Variants in TTC38 observed in about 807,000 individuals in gnomAD.
TTC38 encodes tetratricopeptide repeat domain 38, also known as tetratricopeptide repeat protein 38.
A neutral mutation model predicts 64.2 loss-of-function variants in TTC38; 64 were observed. That is an observed-to-expected ratio of 1.00 (90% CI 0.81 to 1.23). The LOEUF (loss-of-function observed/expected upper bound fraction) is 1.23, where lower values mean the gene tolerates loss of function less well. Ranked by LOEUF, TTC38 falls within the 50% of genes most tolerant of loss-of-function variation. TTC38 has a pLI of 0.00. For missense variants in TTC38, 573 were observed against 615.5 expected, an observed-to-expected ratio of 0.93 and a Z score of 0.73; for synonymous variants, 254 against 249.3, an observed-to-expected ratio of 1.02 and a Z score of -0.18.
intron 5 of TTC38, among the ~76,000 whole-genome samples, chr22:46,278,174 C>A (rs1193204603): frequency 6.6e-6 from 1 of 152,182 alleles, no homozygotes; most frequent in African/African-American, 2.4e-5. Flanking sequence ...CAGACAGGTA[C>A]TCACAGCTTT....
Position 46,275,938 on chromosome 22 carries a change from C to T in TTC38, c.539+517C>T, listed in dbSNP as rs1048060131. 4.2e-4 allele frequency among the ~76,000 whole-genome samples: 64 copies of T among 152,040 alleles called. No individual in the cohort carries two copies. Among genetic ancestry groups the T allele is most frequent in the Non-Finnish European group, 8.8e-5 (6 of 67,922 alleles). On this transcript the variant is annotated intron_variant, in intron 5 of 13. Transcript: ENST00000381031. This position sits in a 1 kb window ranked among gnomAD's most constrained non-coding sequence, Gnocchi z 4.5. ...GAACTGATCACATGACCTCACCCAC[C>T]CACAAGAGACCAGGAAGTACAGTTC...
chr22:46,280,995 C>T (rs1241030964), intron 6 of TTC38, among the ~76,000 whole-genome samples: 4 of 152,238 alleles, frequency 2.6e-5, no homozygotes, highest in African/African-American at 9.6e-5. Context: ...ATGAGTCCTG[C>T]CTGCCTCGCT....
intron 11 of TTC38, 25 bp from the exon 12 acceptor site, chr22:46,289,377 T>C (rs11704586): frequency 0.09 from 143,410 of 1,601,626 alleles, 7,152 homozygotes; most frequent in Non-Finnish European, 0.1. Flanking sequence ...GGCAGGCAGC[T>C]GAGGGCACCG....
rs1047764876 is a variant in TTC38, at chr22:46,276,840, T to A, written c.539+1419T>A. Among the ~76,000 whole-genome samples the A allele has an allele frequency of 2.2e-4, 30 of 137,916 alleles. No homozygotes were observed. The highest frequency in any genetic ancestry group is 4.1e-4 in the Non-Finnish European group (27 of 66,208). The allele number at this position is 137,916 out of a possible 152,430, so 90.5% of individuals were successfully genotyped here. On this transcript the variant is annotated intron_variant, in intron 5 of 13. Transcript: ENST00000381031. This position sits in a 1 kb window ranked among gnomAD's most constrained non-coding sequence, Gnocchi z 4.7. ...TATATATTAAATATATATATATATA[T>A]AAACATATATATATATAAAAAATAC... is the stretch of plus-strand genomic sequence containing the variant.
At chr22:46,277,036 T>TACAC (rs1284342595) in intron 5 of TTC38, among the ~76,000 whole-genome samples, 37 of 78,276 alleles carry the variant, frequency 4.7e-4, no homozygotes, top group African/African-American at 2.2e-3. Context: ...AAACAATACA[T>TACAC]ATATATACAT....
chr22:46,289,322 C>T (rs2077594795), intron 11 of TTC38, 80 bp from the exon 12 acceptor site: 5 of 1,532,090 alleles, frequency 3.3e-6, no homozygotes, highest in East Asian at 2.3e-5. Context: ...AGGGACACCT[C>T]GCTGAGGAAG....
chr22:46,287,041 G>A (rs1428642884), intron 9 of TTC38, 32 bp from the exon 10 acceptor site: 10 of 1,564,542 alleles, frequency 6.4e-6, no homozygotes, highest in Admixed American at 5.2e-5. Context: ...TGGGCCACCC[G>A]CTGAGCCCGC....
At position 46,271,510 on chromosome 22, in the gene TTC38, G is replaced by A. The variant is rs1420537822; in HGVS notation, c.112-825G>A. 6.6e-6 allele frequency among the ~76,000 whole-genome samples: 1 copy of A among 151,400 alleles called. No individual in the cohort carries two copies. The highest frequency in any genetic ancestry group is 1.5e-5 in the Non-Finnish European group (1 of 67,906). ...TTACAGGCATGAGCCACCACACCTGGCCTTTTTTTTTCCTTTTCTCTGTCA... is the reference window on the plus strand; with the variant it reads ...TTACAGGCATGAGCCACCACACCTGACCTTTTTTTTTCCTTTTCTCTGTCA... On this transcript the variant is annotated intron_variant, in intron 2 of 13. Coordinates refer to ENST00000381031, the MANE Select transcript of TTC38 (RefSeq NM_017931.4). This position sits in a 1 kb window ranked among gnomAD's most constrained non-coding sequence, Gnocchi z 5.5.
chr22:46,292,757 T>C lies in TTC38; in HGVS notation c.1317-34T>C, dbSNP rs779931796. The C allele has an allele frequency of 6.3e-7, 1 of 1,589,418 alleles. No individual in the cohort carries two copies. The highest frequency in any genetic ancestry group is 1.1e-5 in the South Asian group (1 of 90,610). On this transcript the variant is annotated intron_variant, in intron 13 of 13. Coordinates refer to ENST00000381031, the MANE Select transcript of TTC38 (RefSeq NM_017931.4). This position sits in a 1 kb window ranked among gnomAD's most constrained non-coding sequence, Gnocchi z 6.5. ...CCAGGCCCCACATCCCTCTAGAAGG[T>C]TCTGTAACAGGACCTCTGTGTCTGT...
intron 9 of TTC38, among the ~76,000 whole-genome samples, chr22:46,286,674 A>G (rs538343311): frequency 2.4e-3 from 369 of 152,068 alleles, no homozygotes; most frequent in Non-Finnish European, 4.2e-3. Flanking sequence ...AAAAAAAAAA[A>G]AAAGAAAGAA....
intron 13 of TTC38, among the ~76,000 whole-genome samples, chr22:46,290,218 T>G (rs9615935): frequency 0.071 from 10,880 of 152,222 alleles, 533 homozygotes; most frequent in Non-Finnish European, 0.11. Context: ...CCCTTTCTCC[T>G]TTTTTGCACC....
Position 46,272,081 on chromosome 22 carries a change from C to T in TTC38, c.112-254C>T, listed in dbSNP as rs1326413650. Among the ~76,000 whole-genome samples the T allele has an allele frequency of 6.6e-6, 1 of 152,012 alleles. No homozygotes were observed. The highest frequency in any genetic ancestry group is 1.5e-5 in the Non-Finnish European group (1 of 68,000). ...ATCTTGGCTCATTGCAACCTCAGCC[C>T]CCGGGTTCAAGTGATTCTCATGCCT... On this transcript the variant is annotated intron_variant, in intron 2 of 13. Coordinates refer to ENST00000381031, the MANE Select transcript of TTC38 (RefSeq NM_017931.4). This position sits in a 1 kb window ranked among gnomAD's most constrained non-coding sequence, Gnocchi z 6.4.
In TTC38 at chr22:46,272,563, A is replaced by T; in HGVS notation, c.193+147A>T. On this transcript the variant is annotated intron_variant, in intron 3 of 13. Transcript: ENST00000381031. The surrounding 1 kb of genome is among the most constrained non-coding windows in gnomAD (Gnocchi z 6.4). ...CATTTGCACAGAGGGAGAGAAGATG[A>T]CAGCTGCCTTTGTGTCTGGAAAAAC... 1 of 629,890 alleles carries T rather than the reference A, an allele frequency of 1.6e-6. No individual in the cohort carries two copies. The allele number at this position is 629,890 out of a possible 1,614,324, so 39.0% of individuals were successfully genotyped here. A position where few individuals can be genotyped will look rare whatever the true frequency, so the allele number is the denominator to read the frequency against.
intron 7 of TTC38, 90 bp from the exon 8 acceptor site, chr22:46,283,883 A>ATTT: frequency 2.5e-6 from 1 of 397,856 alleles, no homozygotes; most frequent in Non-Finnish European, 4.7e-6. Flanking sequence ...AAAAAAGATG[A>ATTT]TGGTTTCTGC....
Position 46,274,991 on chromosome 22 carries a change from T to G in TTC38, c.366-257T>G, listed in dbSNP as rs969040772. On this transcript the variant is annotated intron_variant, in intron 4 of 13. Transcript: ENST00000381031. The surrounding 1 kb of genome is among the most constrained non-coding windows in gnomAD (Gnocchi z 4.8). ...GCACATATCACCACACCCTGCTCAT[T>G]TTTGTATTTTTAGTAGAGATGGGGT... 1.3e-5 allele frequency among the ~76,000 whole-genome samples: 2 copies of G among 152,006 alleles called. No homozygotes were observed. Among genetic ancestry groups the G allele is most frequent in the African/African-American group, 4.8e-5 (2 of 41,352 alleles).
intron 11 of TTC38, among the ~76,000 whole-genome samples, chr22:46,288,818 G>A (rs1202624501): frequency 1.3e-5 from 2 of 152,202 alleles, no homozygotes; most frequent in African/African-American, 4.8e-5. Context: ...CCAAGACACA[G>A]AGCTGCCTCC....
rs955482578 is a variant in TTC38 at position 46,281,885 on chromosome 22, A to G, written c.735+167A>G. ...GTGTTTGGCTGCTGAGCAGAATGCAATCAAGATTCCAGTCCCCACCCCAGG... is the reference window on the plus strand; with the variant it reads ...GTGTTTGGCTGCTGAGCAGAATGCAGTCAAGATTCCAGTCCCCACCCCAGG... On this transcript the variant is annotated intron_variant, in intron 7 of 13. Transcript: ENST00000381031. This position sits in a 1 kb window ranked among gnomAD's most constrained non-coding sequence, Gnocchi z 5.2. The G allele has an allele frequency of 1.2e-5, 11 of 921,454 alleles. No individual in the cohort carries two copies. Among genetic ancestry groups the G allele is most frequent in the African/African-American group, 5.0e-5 (3 of 60,450 alleles). 57.1% of individuals were successfully genotyped at this position (921,454 alleles called of 1,614,324 possible).
chr22:46,268,594 A>G lies in TTC38; in HGVS notation c.111+3A>G. 1.2e-6 allele frequency: 2 copies of G among 1,613,806 alleles called. No homozygotes were observed. The highest frequency in any genetic ancestry group is 2.2e-5 in the South Asian group (2 of 91,084). ...TGTTCGATGCCACGCTGACCCAGGTATGCCTGCCGAGAGAGGCCGCGGCCC... is the reference window on the plus strand; with the variant it reads ...TGTTCGATGCCACGCTGACCCAGGTGTGCCTGCCGAGAGAGGCCGCGGCCC... On this transcript the variant is annotated splice_donor_region_variant and intron_variant, in intron 2 of 13. Coordinates refer to ENST00000381031, the MANE Select transcript of TTC38 (RefSeq NM_017931.4).
At chr22:46,268,219 G>GAAGGGACCC in intron 1 of TTC38, 147 bp downstream of exon 1, 1 of 923,236 alleles carries the variant, frequency 1.1e-6, no homozygotes, top group East Asian at 2.8e-5. Context: ...GCAACGCCTG[G>GAAGGGACCC]AAGGGACCCG....
Sources: gnomAD v4.1 joint callset for allele counts (sites outside exome capture counted in the v4.1 genomes callset) on GRCh38, gnomAD v4.1.1 for gene constraint, Gnocchi (gnomAD v3.1) non-coding constraint, MANE v1.5 for transcripts, NCBI Gene and HGNC (gene_info 2026-07-23, HGNC 2026-07-21) for gene names.